ARFGEF2: variants seen among roughly 807,000 people sequenced by gnomAD.
ARFGEF2 encodes the protein brefeldin A-inhibited guanine nucleotide-exchange protein 2.
ARFGEF2 carries 74 observed loss-of-function variants against 219.9 expected under a neutral mutation model. The observed-to-expected ratio is 0.34, with a 90% confidence interval of 0.28 to 0.41. The LOEUF (loss-of-function observed/expected upper bound fraction) is 0.41, where lower values mean the gene tolerates loss of function less well. ARFGEF2 is among the 10% of genes least tolerant of loss of function. The pLI is 1.00. For synonymous variants in ARFGEF2, 733 were observed against 799.2 expected (o/e 0.92, Z 1.40); for missense variants, 1,743 against 2,218.3 (o/e 0.79, Z 4.30).
intron 4 of ARFGEF2, among the ~76,000 whole-genome samples, chr20:48,951,799 C>G (rs1226138476): frequency 2.6e-5 from 4 of 152,204 alleles, no homozygotes; most frequent in Admixed American, 6.5e-5. Context: ...ATTCTTATCT[C>G]TGACTTGCCT....
intron 6 of ARFGEF2, among the ~76,000 whole-genome samples, chr20:48,954,885 G>A (rs755809240): frequency 3.4e-4 from 52 of 152,196 alleles, no homozygotes; most frequent in Non-Finnish European, 5.6e-4. Flanking sequence ...CTTTGCCTTT[G>A]TAACTCTCTA....
intron 25 of ARFGEF2, 65 bp downstream of exon 25, chr20:48,998,570 AAAAAG>A: frequency 6.5e-7 from 1 of 1,540,568 alleles, no homozygotes; most frequent in Non-Finnish European, 8.8e-7. Context: ...CTGAATTCAA[AAAAAG>A]AAGTGATAAA....
chr20:49,018,177 T>G (rs577944804), intron 33 of ARFGEF2, among the ~76,000 whole-genome samples: 1 of 152,336 alleles, frequency 6.6e-6, no homozygotes, highest in South Asian at 2.1e-4. Flanking sequence ...CATTAGATTT[T>G]AAAAAGCATT....
chr20:48,957,737 G>A (rs2091114057), intron 6 of ARFGEF2, among the ~76,000 whole-genome samples: 1 of 152,196 alleles, frequency 6.6e-6, no homozygotes, highest in Admixed American at 6.5e-5. Context: ...ACTGGGTGGA[G>A]TCTTCCTGCT....
chr20:49,032,184 C>T lies in ARFGEF2; in HGVS notation c.5181+18C>T. 1 of 1,574,600 alleles carries T rather than the reference C, an allele frequency of 6.4e-7. No individual in the cohort carries two copies. The highest frequency in any genetic ancestry group is 1.1e-5 in the South Asian group (1 of 90,278). ...ATGAAAAGGTATGAACAAGTAAACT[C>T]TGACCAATTTTCACTAGGACATAAA... On this transcript the variant is annotated intron_variant, in intron 38 of 38. Transcript: ENST00000371917.
At chr20:48,973,358 T>C (rs777348127) in intron 12 of ARFGEF2, 74 bp downstream of exon 12, 7 of 1,481,736 alleles carry the variant, frequency 4.7e-6, no homozygotes, top group Non-Finnish European at 6.5e-6. Flanking sequence ...TGCCACCACA[T>C]GCCAGGCACT....
At chr20:48,969,664 G>C (rs1568712307) in intron 9 of ARFGEF2, among the ~76,000 whole-genome samples, 1 of 152,228 alleles carries the variant, frequency 6.6e-6, no homozygotes, top group Non-Finnish European at 1.5e-5. Context: ...CATCGATACA[G>C]ATGTAAGCCC....
intron 37 of ARFGEF2, among the ~76,000 whole-genome samples, chr20:49,029,650 G>C (rs1253105716): frequency 1.3e-5 from 2 of 151,508 alleles, no homozygotes; most frequent in African/African-American, 4.9e-5. Flanking sequence ...GGAGTGCAGT[G>C]GTGCAATCTC....
chr20:49,033,123 G>A lies in ARFGEF2; in HGVS notation c.5282G>A (p.Arg1761Gln), dbSNP rs771293652. ...GCAGTTCTGCGGAAGTTCTTCCTAC[G>A]GATAGGTGTTGTGTATAAGATATGG... ...LRAVLRKFFL[R>Q]IGVVYKIWIP... The change falls in exon 39 of 39, where the codon CGG becomes CAG. Residue 1761 changes from arginine (R) to glutamine (Q), a missense_variant. Transcript: ENST00000371917. The A allele has an allele frequency of 2.3e-5, 37 of 1,614,088 alleles. No homozygotes were observed. Among genetic ancestry groups the A allele is most frequent in the Non-Finnish European group, 2.9e-5 (34 of 1,180,042 alleles).
At position 49,011,935 on chromosome 20, in the gene ARFGEF2, C is replaced by T. The variant is rs1255202813; in HGVS notation, c.3769C>T (p.Gln1257Ter). Residue 1257 changes from glutamine (Q) to a stop codon, truncating the protein, a stop_gained, in exon 28 of 39, where the codon CAG becomes TAG. Transcript: ENST00000371917. LOFTEE classifies it high-confidence loss of function. ...TTGTGTTCCCCCAGCAACTATTTTC[C>T]AGCACCATTTTCCTGCAGCCATCGA... ...TTCHIVTTIF[Q>*]HHFPAAIDSF... 3.1e-6 allele frequency: 5 copies of T among 1,614,076 alleles called. No homozygotes were observed. The highest frequency in any genetic ancestry group is 2.2e-5 in the East Asian group (1 of 44,890).
intron 1 of ARFGEF2, among the ~76,000 whole-genome samples, chr20:48,934,036 C>T (rs545652783): frequency 6.9e-6 from 1 of 145,768 alleles, no homozygotes; most frequent in East Asian, 2.1e-4. Context: ...AGGAGAATCT[C>T]TTGAACCCAG....
intron 1 of ARFGEF2, among the ~76,000 whole-genome samples, chr20:48,937,570 A>G (rs747844261): frequency 6.6e-6 from 1 of 152,118 alleles, no homozygotes; most frequent in Non-Finnish European, 1.5e-5. Flanking sequence ...TTTCTTCAAC[A>G]AAAGAGTAGT....
At chr20:48,978,537 T>C (rs948371336) in intron 14 of ARFGEF2, among the ~76,000 whole-genome samples, 48 of 152,236 alleles carry the variant, frequency 3.2e-4, no homozygotes, top group Non-Finnish European at 1.2e-4. Context: ...GGGGATGGCA[T>C]TGAATCTATA....
At chr20:49,006,355 T>C (rs2091459345) in intron 26 of ARFGEF2, among the ~76,000 whole-genome samples, 1 of 152,078 alleles carries the variant, frequency 6.6e-6, no homozygotes, top group South Asian at 2.1e-4. Flanking sequence ...CCTTAAATAG[T>C]TGCACCTGGG....
chr20:48,994,413 A>G (rs747537887), intron 21 of ARFGEF2, 38 bp from the exon 22 acceptor site: 7 of 1,612,650 alleles, frequency 4.3e-6, no homozygotes. Context: ...TCTAGCTGTA[A>G]GGTAGGAACT....
rs575641596 is a variant in ARFGEF2 at position 48,978,326 on chromosome 20, T to C, written c.1958+2127T>C. Among the ~76,000 whole-genome samples, 110 of 152,354 alleles carry C rather than the reference T, an allele frequency of 7.2e-4. 1 individual carries two copies. The highest frequency in any genetic ancestry group is 2.3e-3 in the South Asian group (11 of 4,830). On this transcript the variant is annotated intron_variant, in intron 14 of 38. Transcript: ENST00000371917. ...TTCTGAGGACTCTGTGCTGTTCCAT[T>C]GGTCTGTCTCTCTGTTTTGGTACCA...
At chr20:48,961,455 G>A (rs1372136561) in intron 6 of ARFGEF2, among the ~76,000 whole-genome samples, 1 of 152,108 alleles carries the variant, frequency 6.6e-6, no homozygotes, top group African/African-American at 2.4e-5. Flanking sequence ...CACACATGAA[G>A]TTGGTATCTC....
intron 25 of ARFGEF2, 125 bp downstream of exon 25, chr20:48,998,630 G>T: frequency 1.0e-6 from 1 of 965,710 alleles, no homozygotes; most frequent in Non-Finnish European, 1.6e-6. Context: ...TTTTCCCTGT[G>T]CAGTCAAGGA....
Position 49,035,773 on chromosome 20 carries a change from T to A in ARFGEF2, c.*2574T>A, listed in dbSNP as rs2091662786. 2 of 157,856 alleles carry A rather than the reference T, an allele frequency of 1.3e-5. No individual in the cohort carries two copies. The highest frequency in any genetic ancestry group is 2.8e-5 in the Non-Finnish European group (2 of 72,154). The allele number at this position is 157,856 out of a possible 1,614,324, so 9.8% of individuals were successfully genotyped here. ...GTTACAATACTGCTGCTTTGAGCAA[T>A]TTTGTTTCTCTTCATTGTCTGTTAG... On this transcript the variant is annotated 3_prime_UTR_variant, in exon 39 of 39. Transcript: ENST00000371917.
Sources: gnomAD v4.1 joint callset for allele counts (sites outside exome capture counted in the v4.1 genomes callset) on GRCh38, gnomAD v4.1.1 for gene constraint, MANE v1.5 for transcripts, NCBI Gene and HGNC (gene_info 2026-07-23, HGNC 2026-07-21) for gene names.